The following SPATA13 variants were observed in gnomAD, a reference collection of about 807,000 sequenced individuals.
The protein encoded by SPATA13 is spermatogenesis-associated protein 13.
Under a neutral mutation model 104.0 loss-of-function variants are expected in SPATA13, and 50 were observed. That is an observed-to-expected ratio of 0.48 (90% CI 0.38 to 0.61). The LOEUF (loss-of-function observed/expected upper bound fraction) is 0.61, where lower values mean the gene tolerates loss of function less well. SPATA13 is among the 20% of genes least tolerant of loss of function. The pLI, the probability that SPATA13 is intolerant of heterozygous loss-of-function variation, is 0.00. For synonymous variants in SPATA13, 606 were observed against 667.5 expected (o/e 0.91, Z 1.42); for missense variants, 1,524 against 1,690.6 (o/e 0.90, Z 1.73).
In SPATA13 at chr13:24,222,768, G is replaced by C. The variant is rs371801300; in HGVS notation, c.-111-51G>C. On this transcript the variant is annotated intron_variant, in intron 1 of 12. Transcript: ENST00000382108. ...CGTGCCTCTTCTTCTGTGAGCAGAG[G>C]GGCTACTGCGTGGGAAATGGCTAAA... is the stretch of plus-strand genomic sequence containing the variant. The C allele has an allele frequency of 1.2e-5, 18 of 1,451,678 alleles. No individual in the cohort carries two copies. The East Asian group carries it at 2.2e-4, about 18-fold the overall frequency. The allele number at this position is 1,451,678 out of a possible 1,614,324, so 89.9% of individuals were successfully genotyped here.
chr13:24,040,871 A>G (rs11841187), intron 3 of SPATA13, among the ~76,000 whole-genome samples: 120 of 152,258 alleles, frequency 7.9e-4, no homozygotes, highest in African/African-American at 2.7e-3. Context: ...GCCCAACACA[A>G]GCAGCTTTTG....
chr13:24,078,263 A>G (rs146407115), intron 3 of SPATA13, among the ~76,000 whole-genome samples: 1 of 152,286 alleles, frequency 6.6e-6, no homozygotes, highest in East Asian at 1.9e-4. Context: ...TTGGAGCCAG[A>G]CACGCCTCTG....
At chr13:23,981,866 A>G (rs1874918804) in intron 1 of SPATA13, among the ~76,000 whole-genome samples, 1 of 152,216 alleles carries the variant, frequency 6.6e-6, no homozygotes. Flanking sequence ...AATTTCTTAA[A>G]AACAATAACT....
At chr13:24,031,445 C>A (rs913841185) in intron 3 of SPATA13, among the ~76,000 whole-genome samples, 1 of 152,190 alleles carries the variant, frequency 6.6e-6, no homozygotes, top group Admixed American at 6.5e-5. Flanking sequence ...GTCCACTTTC[C>A]CAGATCTTTC....
At chr13:24,239,792 A>T (rs946929373) in intron 2 of SPATA13, among the ~76,000 whole-genome samples, 1 of 151,264 alleles carries the variant, frequency 6.6e-6, no homozygotes, top group Non-Finnish European at 1.5e-5. Flanking sequence ...AGTTCTCCTC[A>T]ATCAATAAGT....
chr13:24,021,223 C>T (rs1876959828), intron 3 of SPATA13, among the ~76,000 whole-genome samples: 1 of 152,222 alleles, frequency 6.6e-6, no homozygotes, highest in South Asian at 2.1e-4. Flanking sequence ...TGGGAGTTGA[C>T]AGAGAATGGG....
intron 2 of SPATA13, among the ~76,000 whole-genome samples, chr13:24,246,899 A>G (rs917966917): frequency 2.0e-5 from 3 of 152,128 alleles, no homozygotes; most frequent in African/African-American, 7.2e-5. Flanking sequence ...GTTAGAATTT[A>G]AGCAGTATGT....
intron 3 of SPATA13, among the ~76,000 whole-genome samples, chr13:24,059,775 G>T (rs962977586): frequency 5.3e-5 from 8 of 152,154 alleles, no homozygotes; most frequent in African/African-American, 1.9e-4. Flanking sequence ...TCCTGGATAA[G>T]ATCATGTCGT....
Position 24,043,882 on chromosome 13 carries a change from C to T in SPATA13, c.-112+26181C>T, listed in dbSNP as rs114075799. On this transcript the variant is annotated intron_variant, in intron 3 of 14. Coordinates refer to the SPATA13 transcript ENST00000424834. ...AATGAAGTCACCCTCAAAATAAGGA[C>T]TGCCAGGGGAGGGGTAGGTGGCAAC... Among the ~76,000 whole-genome samples, 1,429 of 152,300 alleles carry T rather than the reference C, an allele frequency of 9.4e-3. 26 individuals are homozygous for T. The highest frequency in any genetic ancestry group is 0.031 in the African/African-American group (1,288 of 41,550).
rs143701283 is a variant in SPATA13 at position 24,170,790 on chromosome 13, C to T, written c.-112+9858C>T. Among the ~76,000 whole-genome samples the T allele has an allele frequency of 1.4e-3, 216 of 152,192 alleles. 1 individual carries two copies. The highest frequency in any genetic ancestry group is 0.012 in the South Asian group (56 of 4,800). ...CCCTCTCTGGGTGTACTTTCAGATC[C>T]ACTGAAAGACCTGGAAGCACCCTTT... is the stretch of plus-strand genomic sequence containing the variant. On this transcript the variant is annotated intron_variant, in intron 1 of 12. Transcript: ENST00000382108.
At chr13:24,123,368 G>C in intron 3 of SPATA13, 1 of 1,286,164 alleles carries the variant, frequency 7.8e-7, no homozygotes, top group South Asian at 1.2e-5. Context: ...GAATTACCCA[G>C]CAAGCCCTTG....
At chr13:24,148,508 C>T (rs995528420) in intron 3 of SPATA13, among the ~76,000 whole-genome samples, 2 of 152,166 alleles carry the variant, frequency 1.3e-5, no homozygotes, top group African/African-American at 4.8e-5. Context: ...TGCTCCTTAA[C>T]ACTGCCTCCC....
chr13:24,291,103 C>G (rs1397529982), intron 9 of SPATA13, among the ~76,000 whole-genome samples: 1 of 152,184 alleles, frequency 6.6e-6, no homozygotes, highest in Non-Finnish European at 1.5e-5. Context: ...GCTATGAAGA[C>G]ACAAGGGCCA....
intron 3 of SPATA13, among the ~76,000 whole-genome samples, chr13:24,151,661 A>C (rs1288396359): frequency 1.3e-5 from 2 of 152,120 alleles, no homozygotes; most frequent in Admixed American, 6.5e-5. Flanking sequence ...CCAAGTTCAA[A>C]CACCAGCTGT....
In SPATA13 at chr13:24,303,161, T is replaced by G; in HGVS notation, c.*388T>G. The G allele has an allele frequency of 2.7e-6, 1 of 369,362 alleles. No individual in the cohort carries two copies. Among genetic ancestry groups the G allele is most frequent in the Non-Finnish European group, 5.3e-6 (1 of 187,162 alleles). The allele number at this position is 369,362 out of a possible 1,614,324, so 22.9% of individuals were successfully genotyped here. A position where few individuals can be genotyped will look rare whatever the true frequency, so the allele number is the denominator to read the frequency against. ...GGGCTTTGCAGTTCCTAAGGAGTGA[T>G]GAGGTTAGAGGATCACTTCTGCATT... On this transcript the variant is annotated 3_prime_UTR_variant, in exon 13 of 13. Transcript: ENST00000382108.
At chr13:24,029,507 T>TGG in intron 3 of SPATA13, among the ~76,000 whole-genome samples, 1 of 152,174 alleles carries the variant, frequency 6.6e-6, no homozygotes, top group Non-Finnish European at 1.5e-5. Context: ...TAAAAAAATT[T>TGG]TGTATGTTAT....
At chr13:24,253,422 A>G (rs1376375596) in intron 4 of SPATA13, among the ~76,000 whole-genome samples, 2 of 152,000 alleles carry the variant, frequency 1.3e-5, no homozygotes, top group Non-Finnish European at 2.9e-5. Context: ...ACCTCTTAGG[A>G]TAACTAGTCC....
intron 2 of SPATA13, among the ~76,000 whole-genome samples, chr13:24,244,915 C>T (rs898175532): frequency 1.3e-4 from 20 of 152,188 alleles, no homozygotes; most frequent in African/African-American, 4.6e-4. Context: ...AGCAATTCCA[C>T]TGAAAAGTCT....
upstream of SPATA13, among the ~76,000 whole-genome samples, chr13:24,159,128 G>A (rs1313928079): frequency 5.8e-5 from 2 of 34,620 alleles, no homozygotes; most frequent in Admixed American, 3.0e-4. Context: ...TTTAGACCGT[G>A]ATATTTTTTT....
Sources: allele counts gnomAD v4.1 joint callset (sites outside exome capture counted in the v4.1 genomes callset), GRCh38; gene constraint gnomAD v4.1.1; transcripts MANE v1.5; gene names NCBI Gene and HGNC (gene_info 2026-07-23, HGNC 2026-07-21).